TATDN1: variants seen among roughly 807,000 people sequenced by gnomAD.
The protein encoded by TATDN1 is deoxyribonuclease TATDN1.
A neutral mutation model predicts 46.4 loss-of-function variants in TATDN1; 40 were observed. The observed-to-expected ratio is 0.86, with a 90% CI of 0.67 to 1.12. The LOEUF (loss-of-function observed/expected upper bound fraction) is 1.12, where lower values mean the gene tolerates loss of function less well. Ranked by LOEUF, TATDN1 falls within the 50% of genes most tolerant of loss-of-function variation. The pLI, the probability that TATDN1 is intolerant of heterozygous loss-of-function variation, is 0.00. For synonymous variants in TATDN1, 95 were observed against 105.6 expected, an observed-to-expected ratio of 0.90 and a Z score of 0.62; for missense variants, 326 against 348.4, an observed-to-expected ratio of 0.94 and a Z score of 0.51.
chr8:124,538,446 G>C (rs917459640), intron 1 of TATDN1: 1 of 154,382 alleles, frequency 6.5e-6, no homozygotes, highest in Non-Finnish European at 1.4e-5. Flanking sequence ...TCGTTCTACT[G>C]ATGCCGACTG....
chr8:124,502,718 C>T (rs1417279972), intron 9 of TATDN1, among the ~76,000 whole-genome samples: 1 of 152,188 alleles, frequency 6.6e-6, no homozygotes, highest in Non-Finnish European at 1.5e-5. Context: ...GTATACTGTG[C>T]TTAACATTTC....
Position 124,516,029 on chromosome 8 carries a change from AC to A in TATDN1, c.203del (p.Gly68ValfsTer26). ...GACATCCAACTGTACTGAAAAACAT[AC>A]CTAACAGAAAATAATGTCTTAGGAT... ...KDALHLAQTN[G>X]MFFSTVGCHP... On this transcript the variant is annotated frameshift_variant and splice_region_variant, in exon 5 of 12. Transcript: ENST00000276692. LOFTEE classifies it high-confidence loss of function. 1.3e-6 allele frequency: 2 copies of A among 1,598,202 alleles called. No individual in the cohort carries two copies. The highest frequency in any genetic ancestry group is 1.7e-6 in the Non-Finnish European group (2 of 1,174,484).
At chr8:124,501,792 C>T (rs553081367) in intron 9 of TATDN1, among the ~76,000 whole-genome samples, 155 of 151,996 alleles carry the variant, frequency 1.0e-3, no homozygotes, top group African/African-American at 3.6e-3. Context: ...AAGATGTGCC[C>T]CCCACTGGAA....
At chr8:124,493,669 C>G (rs960797149) in intron 11 of TATDN1, 164 bp downstream of exon 11, 2 of 680,416 alleles carry the variant, frequency 2.9e-6, no homozygotes, top group African/African-American at 3.7e-5. Context: ...GGAACTTAAA[C>G]CAGGTATGCA....
At chr8:124,502,393 C>A (rs1222369214) in intron 9 of TATDN1, among the ~76,000 whole-genome samples, 1 of 150,860 alleles carries the variant, frequency 6.6e-6, no homozygotes, top group African/African-American at 2.4e-5. Flanking sequence ...ACTATCCAGG[C>A]TAACTTGTAA....
chr8:124,513,102 G>A (rs1407243978), intron 6 of TATDN1, among the ~76,000 whole-genome samples: 1 of 151,986 alleles, frequency 6.6e-6, no homozygotes. Flanking sequence ...TAGTAGAGAC[G>A]GGGTTTCACC....
At chr8:124,501,147 G>T (rs1386490951) in intron 9 of TATDN1, among the ~76,000 whole-genome samples, 1 of 152,236 alleles carries the variant, frequency 6.6e-6, no homozygotes, top group Non-Finnish European at 1.5e-5. Flanking sequence ...GCACAGGCCT[G>T]AGCATGGAGA....
intron 10 of TATDN1, chr8:124,494,723 A>ATT (rs34109803): frequency 0.014 from 1,884 of 137,944 alleles, 18 homozygotes; most frequent in Non-Finnish European, 0.021. Flanking sequence ...AATTTTTTGT[A>ATT]TTTTTTTTTT....
chr8:124,490,534 A>C (rs1413508562), intron 11 of TATDN1, among the ~76,000 whole-genome samples: 1 of 152,050 alleles, frequency 6.6e-6, no homozygotes, highest in South Asian at 2.1e-4. Flanking sequence ...AAGAAAAAAA[A>C]ATCTATTGGA....
Position 124,539,085 on chromosome 8 carries a change from G to C in TATDN1, c.-39C>G, listed in dbSNP as rs765251013. The C allele has an allele frequency of 6.2e-7, 1 of 1,611,398 alleles. No homozygotes were observed. The highest frequency in any genetic ancestry group is 1.7e-5 in the Admixed American group (1 of 59,964). ...GGACCTCCCCAGCGGAAGCGGAAGTGGCCGCCGGCAACTCCGCCCTTCCGG... is the reference window on the plus strand; with the variant it reads ...GGACCTCCCCAGCGGAAGCGGAAGTCGCCGCCGGCAACTCCGCCCTTCCGG... On this transcript the variant is annotated 5_prime_UTR_variant, in exon 1 of 12. Transcript: ENST00000276692.
In TATDN1 at chr8:124,508,510, T is replaced by A; in HGVS notation, c.480A>T (p.Ile160=). 6.2e-7 allele frequency: 1 copy of A among 1,613,294 alleles called. No homozygotes were observed. Among genetic ancestry groups the A allele is most frequent in the South Asian group, 1.1e-5 (1 of 90,996 alleles). ...CRNSHAEFLD[I]MKRNRDRCVG... ...CACACCGATCTCTATTTCTTTTCAT[T>A]ATGTCTGTGAATTAAAAACAAAGAA... The change falls in exon 8 of 12, where the codon ATA becomes ATT. Residue 160 remains isoleucine (I), a synonymous_variant. Transcript: ENST00000276692.
rs565679263 is a variant in TATDN1 at position 124,515,146 on chromosome 8, C to T, written c.389+600G>A. Among the ~76,000 whole-genome samples the T allele has an allele frequency of 1.6e-4, 24 of 152,184 alleles. No individual in the cohort carries two copies. The South Asian group carries it at 2.1e-3, about 13-fold the overall frequency. ...AATTATATCTCCCAATTTGGGAGGCCGAGGCGGGTGGATCATTTGAGGTCA... is the reference window on the plus strand; with the variant it reads ...AATTATATCTCCCAATTTGGGAGGCTGAGGCGGGTGGATCATTTGAGGTCA... On this transcript the variant is annotated intron_variant, in intron 6 of 11. Coordinates refer to ENST00000276692, the MANE Select transcript of TATDN1 (RefSeq NM_032026.4).
At chr8:124,522,851 A>T in intron 2 of TATDN1, 86 bp downstream of exon 2, 1 of 1,161,020 alleles carries the variant, frequency 8.6e-7, no homozygotes, top group Non-Finnish European at 1.3e-6. Context: ...CACAAGACTC[A>T]GCTTGAATTA....
intron 6 of TATDN1, among the ~76,000 whole-genome samples, chr8:124,511,859 T>C (rs1563666083): frequency 6.6e-6 from 1 of 152,214 alleles, no homozygotes; most frequent in Non-Finnish European, 1.5e-5. Flanking sequence ...ATGGGCTTTA[T>C]GTGCCTTATG....
rs574476887 is a variant in TATDN1, at chr8:124,509,453, G to T, written c.390-765C>A. Among the ~76,000 whole-genome samples, 21 of 152,278 alleles carry T rather than the reference G, an allele frequency of 1.4e-4. No individual in the cohort carries two copies. The Middle Eastern group carries it at 0.014, about 99-fold the overall frequency. ...CGGAGTATAATGACAATATTCAGAGGATACAACGAATGTTCATTCTGTTTG... is the reference window on the plus strand; with the variant it reads ...CGGAGTATAATGACAATATTCAGAGTATACAACGAATGTTCATTCTGTTTG... On this transcript the variant is annotated intron_variant, in intron 6 of 11. Transcript: ENST00000276692.
intron 1 of TATDN1, among the ~76,000 whole-genome samples, chr8:124,529,582 C>A (rs914254099): frequency 6.6e-6 from 1 of 152,196 alleles, no homozygotes; most frequent in Non-Finnish European, 1.5e-5. Flanking sequence ...ATGGGGGGCA[C>A]AAGTGATACT....
At chr8:124,536,388 C>CA (rs1017376022) in intron 1 of TATDN1, among the ~76,000 whole-genome samples, 4 of 151,130 alleles carry the variant, frequency 2.6e-5, no homozygotes, top group East Asian at 1.9e-4. Flanking sequence ...CAGTGGTCTA[C>CA]AAAAAAAAAT....
chr8:124,532,787 A>T (rs560600253), intron 1 of TATDN1, among the ~76,000 whole-genome samples: 1 of 152,350 alleles, frequency 6.6e-6, no homozygotes, highest in East Asian at 1.9e-4. Context: ...TGGGGGCCTG[A>T]TTCAATGATT....
intron 2 of TATDN1, among the ~76,000 whole-genome samples, chr8:124,522,682 G>A (rs557413593): frequency 1.2e-3 from 186 of 152,264 alleles, no homozygotes; most frequent in Non-Finnish European, 2.0e-3. Context: ...GCCTCCCAAA[G>A]TGCTGGGATT....
Sources: gnomAD v4.1 joint callset for allele counts (sites outside exome capture counted in the v4.1 genomes callset) on GRCh38, gnomAD v4.1.1 for gene constraint, MANE v1.5 for transcripts, NCBI Gene and HGNC (gene_info 2026-07-23, HGNC 2026-07-21) for gene names.